The following KCNQ5 variants were observed in gnomAD, a reference collection of about 807,000 sequenced individuals.
KCNQ5 encodes potassium voltage-gated channel subfamily KQT member 5.
Under a neutral mutation model 98.2 loss-of-function variants are expected in KCNQ5, and 30 were observed. That is an observed-to-expected ratio of 0.31 (90% CI 0.23 to 0.41). The LOEUF is 0.41. KCNQ5 is among the 10% of genes least tolerant of loss of function. The pLI, the probability that KCNQ5 is intolerant of heterozygous loss-of-function variation, is 1.00. For missense variants in KCNQ5, 835 were observed against 1,182.5 expected, an observed-to-expected ratio of 0.71 and a Z score of 4.31; for synonymous variants, 458 against 449.4, an observed-to-expected ratio of 1.02 and a Z score of -0.24.
chr6:72,896,441 A>T (rs984814073), intron 1 of KCNQ5, among the ~76,000 whole-genome samples: 1 of 152,192 alleles, frequency 6.6e-6, no homozygotes, highest in African/African-American at 2.4e-5. Flanking sequence ...TAAAAAAAAA[A>T]AATACCTACT....
chr6:72,930,602 G>A (rs968421249), intron 1 of KCNQ5, among the ~76,000 whole-genome samples: 46 of 119,128 alleles, frequency 3.9e-4, no homozygotes, highest in African/African-American at 7.4e-4. Flanking sequence ...AAAAAAAACC[G>A]CTCAAATGGT....
intron 5 of KCNQ5, among the ~76,000 whole-genome samples, chr6:73,099,226 C>T (rs547655249): frequency 4.0e-5 from 6 of 151,572 alleles, no homozygotes; most frequent in African/African-American, 1.5e-4. Context: ...GAAAGGAAGA[C>T]AAGAAGGAAA....
chr6:72,779,279 T>C (rs1773328724), intron 1 of KCNQ5, among the ~76,000 whole-genome samples: 1 of 152,118 alleles, frequency 6.6e-6, no homozygotes, highest in Admixed American at 6.5e-5. Flanking sequence ...GCCAGGGTCA[T>C]AGGCACACAG....
intron 1 of KCNQ5, among the ~76,000 whole-genome samples, chr6:72,759,091 C>T (rs901196181): frequency 1.3e-5 from 2 of 152,138 alleles, no homozygotes; most frequent in African/African-American, 2.4e-5. Flanking sequence ...AAAGGTACCA[C>T]GTGATACTTC....
At chr6:72,744,505 G>A (rs1771280500) in intron 1 of KCNQ5, among the ~76,000 whole-genome samples, 1 of 152,084 alleles carries the variant, frequency 6.6e-6, no homozygotes, top group African/African-American at 2.4e-5. Flanking sequence ...CTATACAAAA[G>A]TGAAATAGAA....
intron 1 of KCNQ5, among the ~76,000 whole-genome samples, chr6:72,737,718 T>C (rs1458936473): frequency 2.6e-5 from 4 of 152,360 alleles, no homozygotes; most frequent in African/African-American, 7.2e-5. Flanking sequence ...ACATTCCCTA[T>C]TGACTTTCTT....
At chr6:72,837,780 T>G (rs892242933) in intron 1 of KCNQ5, among the ~76,000 whole-genome samples, 2 of 137,480 alleles carry the variant, frequency 1.5e-5, no homozygotes, top group African/African-American at 5.0e-5. Flanking sequence ...TTTAAACATG[T>G]TATATATACA....
intron 1 of KCNQ5, among the ~76,000 whole-genome samples, chr6:72,685,347 T>G (rs566768284): frequency 6.6e-6 from 1 of 152,336 alleles, no homozygotes; most frequent in South Asian, 2.1e-4. Flanking sequence ...AGTTTTTAGT[T>G]AACAAAACTA....
At chr6:72,701,589 TTTG>T (rs1768809779) in intron 1 of KCNQ5, among the ~76,000 whole-genome samples, 2 of 152,146 alleles carry the variant, frequency 1.3e-5, no homozygotes, top group Non-Finnish European at 2.9e-5. Context: ...TTTGTTTTGT[TTTG>T]TTTAGAGTTG....
intron 1 of KCNQ5, among the ~76,000 whole-genome samples, chr6:72,652,741 C>T (rs1177483443): frequency 6.6e-6 from 1 of 151,956 alleles, no homozygotes; most frequent in Admixed American, 6.6e-5. Flanking sequence ...CTGTTTCAAC[C>T]CTGAGGAGAG....
chr6:72,790,529 A>G (rs1332093358), intron 1 of KCNQ5, among the ~76,000 whole-genome samples: 1 of 152,284 alleles, frequency 6.6e-6, no homozygotes, highest in East Asian at 1.9e-4. Context: ...GCGGTTCTTC[A>G]CAGAGAAGTG....
At chr6:72,809,788 C>T (rs1166435664) in intron 1 of KCNQ5, among the ~76,000 whole-genome samples, 1 of 152,150 alleles carries the variant, frequency 6.6e-6, no homozygotes, top group African/African-American at 2.4e-5. Context: ...TAATGCTTCC[C>T]TTTACTTTCA....
At chr6:72,626,954 G>A (rs2098918248) in intron 1 of KCNQ5, among the ~76,000 whole-genome samples, 1 of 152,198 alleles carries the variant, frequency 6.6e-6, no homozygotes. Flanking sequence ...ACTAATATAT[G>A]GGACAAAGAG....
intron 1 of KCNQ5, among the ~76,000 whole-genome samples, chr6:72,955,207 T>C (rs909236633): frequency 2.0e-5 from 3 of 152,220 alleles, no homozygotes; most frequent in African/African-American, 7.2e-5. Flanking sequence ...CAACAGTTCC[T>C]AAAGTGAACC....
chr6:72,865,128 A>G (rs1777926205), intron 1 of KCNQ5, among the ~76,000 whole-genome samples: 1 of 152,156 alleles, frequency 6.6e-6, no homozygotes, highest in Admixed American at 6.5e-5. Context: ...AGGAACTTGA[A>G]GTCTAAAGGA....
At chr6:72,986,884 T>G in intron 1 of KCNQ5, 1 of 878,892 alleles carries the variant, frequency 1.1e-6, no homozygotes. Context: ...AGGCTGGGGA[T>G]GCTGCGGACA....
rs557994234 is a variant in KCNQ5, at chr6:72,859,081, C to T, written c.399-144827C>T. 2.6e-5 allele frequency among the ~76,000 whole-genome samples: 4 copies of T among 152,172 alleles called. No homozygotes were observed. The South Asian group carries it at 8.3e-4, about 32-fold the overall frequency. On this transcript the variant is annotated intron_variant, in intron 1 of 13. Transcript: ENST00000370398. Reference sequence around the variant, plus strand: ...CTTATTCAGATTAGACCTGTTTATGCCATATAAATGTAAAGGCTTTATATA... The same window carrying T: ...CTTATTCAGATTAGACCTGTTTATGTCATATAAATGTAAAGGCTTTATATA...
chr6:72,825,623 G>A (rs1389612344), intron 1 of KCNQ5, among the ~76,000 whole-genome samples: 3 of 152,124 alleles, frequency 2.0e-5, no homozygotes, highest in Admixed American at 6.6e-5. Flanking sequence ...GGCTTTAGGT[G>A]GGACCTATAC....
intron 1 of KCNQ5, among the ~76,000 whole-genome samples, chr6:72,660,563 C>T (rs1582068033): frequency 2.0e-5 from 3 of 152,094 alleles, no homozygotes; most frequent in South Asian, 4.1e-4. Context: ...TGAGTAAATA[C>T]CAAATATTTC....
Sources: allele counts gnomAD v4.1 joint callset (sites outside exome capture counted in the v4.1 genomes callset), GRCh38; gene constraint gnomAD v4.1.1; transcripts MANE v1.5; gene names NCBI Gene and HGNC (gene_info 2026-07-23, HGNC 2026-07-21).